The following CACNA1C variants were observed in gnomAD, a reference collection of about 807,000 sequenced individuals.
CACNA1C encodes voltage-dependent L-type calcium channel subunit alpha-1C.
CACNA1C carries 30 observed loss-of-function variants against 229.0 expected under a neutral mutation model. The ratio of observed to expected loss-of-function variants is 0.13; its 90% CI spans 0.10 to 0.18. The LOEUF is 0.18. Ranked by LOEUF, CACNA1C falls within the 10% of genes least tolerant of loss-of-function variation. CACNA1C has a pLI of 1.00. For synonymous variants in CACNA1C, 1,114 were observed against 1,132.5 expected, an observed-to-expected ratio of 0.98 and a Z score of 0.33; for missense variants, 1,658 against 2,845.0, an observed-to-expected ratio of 0.58 and a Z score of 9.49.
chr12:2,537,359 T>C (rs1336224041), intron 9 of CACNA1C, among the ~76,000 whole-genome samples: 3 of 152,214 alleles, frequency 2.0e-5, no homozygotes, highest in Non-Finnish European at 4.4e-5. Flanking sequence ...ATCCAAAAAA[T>C]GGGGACATCT....
At chr12:2,184,470 G>A (rs1180848863) in intron 3 of CACNA1C, among the ~76,000 whole-genome samples, 2 of 152,156 alleles carry the variant, frequency 1.3e-5, no homozygotes, top group South Asian at 2.1e-4. Flanking sequence ...CGGTGAATAC[G>A]TTAGGGTACA....
Position 2,649,973 on chromosome 12 carries a change from C to T in CACNA1C, c.3945+1466C>T, listed in dbSNP as rs1478250659. On this transcript the variant is annotated intron_variant, in intron 31 of 46. Coordinates refer to ENST00000399655, the MANE Select transcript of CACNA1C (RefSeq NM_000719.7). The surrounding 1 kb of genome is among the most constrained non-coding windows in gnomAD (Gnocchi z 4.4). ...TAAGGTCATCAAAGGCTTCAGAACA[C>T]ACAGGCAGGGAAGAGCCCAGGGCAG... Among the ~76,000 whole-genome samples, 1 of 151,582 alleles carries T rather than the reference C, an allele frequency of 6.6e-6. No individual in the cohort carries two copies. Among genetic ancestry groups the T allele is most frequent in the Non-Finnish European group, 1.5e-5 (1 of 68,034 alleles).
At chr12:2,047,964 C>T (rs1215280598) in intron 1 of CACNA1C, among the ~76,000 whole-genome samples, 1 of 152,206 alleles carries the variant, frequency 6.6e-6, no homozygotes, top group East Asian at 1.9e-4. Context: ...CCGATCTCGA[C>T]CATGAAACAT....
chr12:2,347,028 G>A (rs2097057014), intron 3 of CACNA1C, among the ~76,000 whole-genome samples: 1 of 152,174 alleles, frequency 6.6e-6, no homozygotes, highest in Admixed American at 6.5e-5. Flanking sequence ...TGAGTAGGGT[G>A]CTCCTCTTTG....
chr12:2,553,636 C>T (rs918147913), intron 10 of CACNA1C, among the ~76,000 whole-genome samples: 1 of 152,200 alleles, frequency 6.6e-6, no homozygotes, highest in Non-Finnish European at 1.5e-5. Context: ...AAAGAGACAG[C>T]GGCGTGTCCC....
intron 3 of CACNA1C, among the ~76,000 whole-genome samples, chr12:2,366,653 T>C (rs377633567): frequency 3.3e-5 from 5 of 152,352 alleles, no homozygotes; most frequent in African/African-American, 1.2e-4. Context: ...AAAAGTATAC[T>C]CTATGACAGC....
chr12:2,420,839 C>T (rs2098971123), intron 3 of CACNA1C, among the ~76,000 whole-genome samples: 1 of 152,200 alleles, frequency 6.6e-6, no homozygotes, highest in Non-Finnish European at 1.5e-5. Context: ...TTCTCACGAT[C>T]ACTGTGAAGA....
chr12:2,113,513 C>T (rs1332386668), intron 1 of CACNA1C, among the ~76,000 whole-genome samples: 1 of 152,152 alleles, frequency 6.6e-6, no homozygotes, highest in Non-Finnish European at 1.5e-5. Context: ...AGCAGCTTCC[C>T]TGGAAGACCC....
chr12:2,066,646 T>G (rs774371659), intron 1 of CACNA1C, among the ~76,000 whole-genome samples: 11 of 151,948 alleles, frequency 7.2e-5, no homozygotes, highest in Non-Finnish European at 1.0e-4. Context: ...GAATTTTGGC[T>G]GTGAATAAAA....
At chr12:2,483,873 T>A (rs2099686904) in intron 5 of CACNA1C, among the ~76,000 whole-genome samples, 1 of 152,236 alleles carries the variant, frequency 6.6e-6, no homozygotes, top group African/African-American at 2.4e-5. Flanking sequence ...GAAACTCACC[T>A]GTCCCTTAGA....
rs1565479199 is a variant in CACNA1C at position 2,067,494 on chromosome 12, GTGCC to G, written c.49+13886_49+13889del. The stretch of plus-strand genomic sequence containing the variant: ...TGTGTGTGTGTGTGCGCGCGTGTGC[GTGCC>G]TGTATGTAAGGGCAGGCACATGAAG... On this transcript the variant is annotated intron_variant, in intron 1 of 46. Coordinates refer to ENST00000399655, the MANE Select transcript of CACNA1C (RefSeq NM_000719.7). This position sits in a 1 kb window ranked among gnomAD's most constrained non-coding sequence, Gnocchi z 5.3. 1.3e-5 allele frequency among the ~76,000 whole-genome samples: 2 copies of G among 151,962 alleles called. No individual in the cohort carries two copies. Among genetic ancestry groups the G allele is most frequent in the Non-Finnish European group, 2.9e-5 (2 of 67,990 alleles).
intron 30 of CACNA1C, among the ~76,000 whole-genome samples, chr12:2,645,113 T>A (rs1182817114): frequency 6.6e-6 from 1 of 152,210 alleles, no homozygotes; most frequent in Non-Finnish European, 1.5e-5. Flanking sequence ...GATGAAAGAA[T>A]TGGCTGCTCA....
chr12:2,389,557 C>T (rs866936246), intron 3 of CACNA1C, among the ~76,000 whole-genome samples: 1 of 152,172 alleles, frequency 6.6e-6, no homozygotes, highest in South Asian at 2.1e-4. Flanking sequence ...TGATCAGTGC[C>T]AGATGTCATC....
At chr12:2,545,059 G>T (rs2099878562) in intron 9 of CACNA1C, among the ~76,000 whole-genome samples, 3 of 152,140 alleles carry the variant, frequency 2.0e-5, no homozygotes. Context: ...TTGGCTTTGG[G>T]AAGTGCTTTG....
chr12:2,686,618 G>A (rs1271077372), intron 45 of CACNA1C, among the ~76,000 whole-genome samples: 4 of 152,240 alleles, frequency 2.6e-5, no homozygotes, highest in Admixed American at 2.6e-4. Context: ...GGGCACTCAG[G>A]AAGATGTACT....
chr12:2,308,593 G>A (rs974124086), intron 3 of CACNA1C, among the ~76,000 whole-genome samples: 13 of 152,170 alleles, frequency 8.5e-5, no homozygotes, highest in African/African-American at 1.2e-4. Context: ...TAGCTTTGTA[G>A]TACAGTCTGA....
intron 1 of CACNA1C, among the ~76,000 whole-genome samples, chr12:2,111,421 T>G (rs540748281): frequency 6.1e-4 from 93 of 152,198 alleles, no homozygotes; most frequent in African/African-American, 2.2e-3. Flanking sequence ...GTTCTCAGGC[T>G]GGGGCTTCCT....
chr12:2,427,662 C>A (rs1401080990), intron 3 of CACNA1C, among the ~76,000 whole-genome samples: 7 of 152,144 alleles, frequency 4.6e-5, no homozygotes, highest in Admixed American at 4.6e-4. Context: ...ACGCTTGTCA[C>A]CCAGGCTGCA....
chr12:2,645,713 A>G (rs764864571), intron 30 of CACNA1C, among the ~76,000 whole-genome samples: 2 of 152,196 alleles, frequency 1.3e-5, no homozygotes, highest in Non-Finnish European at 2.9e-5. Flanking sequence ...GAAATCACTC[A>G]GGGATTGCTC....
Sources: allele counts gnomAD v4.1 joint callset (sites outside exome capture counted in the v4.1 genomes callset), GRCh38; gene constraint gnomAD v4.1.1; non-coding constraint Gnocchi (gnomAD v3.1); transcripts MANE v1.5; gene names NCBI Gene and HGNC (gene_info 2026-07-23, HGNC 2026-07-21).